Variants in KIF13A observed in about 807,000 individuals in gnomAD.
KIF13A encodes kinesin-like protein KIF13A.
Under a neutral mutation model 212.2 loss-of-function variants are expected in KIF13A, and 79 were observed. That is an observed-to-expected ratio of 0.37 (90% confidence interval 0.31 to 0.45). The LOEUF (loss-of-function observed/expected upper bound fraction) is 0.45, where lower values mean the gene tolerates loss of function less well. KIF13A is among the 20% of genes least tolerant of loss of function. The probability of loss-of-function intolerance (pLI) is 1.00; values close to 1 mark genes in which losing one functional copy is unlikely to be tolerated. For synonymous variants in KIF13A, 789 were observed against 808.6 expected (o/e 0.98, Z 0.41); for missense variants, 1,901 against 2,209.0 (o/e 0.86, Z 2.79).
At chr6:17,877,079 GAA>G (rs1187087719) in intron 3 of KIF13A, among the ~76,000 whole-genome samples, 1 of 123,192 alleles carries the variant, frequency 8.1e-6, no homozygotes, top group Non-Finnish European at 1.6e-5. Flanking sequence ...ATCTCGCAGG[GAA>G]ACAGGCATTT....
At chr6:17,932,573 C>A (rs1284634219) in intron 2 of KIF13A, among the ~76,000 whole-genome samples, 1 of 152,086 alleles carries the variant, frequency 6.6e-6, no homozygotes, top group African/African-American at 2.4e-5. Flanking sequence ...TTTTGTTTTC[C>A]AACATTCTGG....
chr6:17,928,046 C>A (rs1775644439), intron 2 of KIF13A, among the ~76,000 whole-genome samples: 1 of 152,192 alleles, frequency 6.6e-6, no homozygotes, highest in Non-Finnish European at 1.5e-5. Flanking sequence ...ATCACACAGG[C>A]TGCGAGAAAA....
rs1373234653 is a variant in KIF13A at position 17,781,269 on chromosome 6, C to T, written c.3577G>A (p.Gly1193Ser). Residue 1193 changes from glycine to serine, a missense_variant, in exon 30 of 39, where the codon GGC becomes AGC. Physicochemically the swap from Gly to Ser is moderately conservative, Grantham distance 56 (BLOSUM62 0). Transcript: ENST00000259711. The stretch of plus-strand genomic sequence containing the variant: ...GAGTTCACGCCGGATGCATGGGGGC[C>T]AACAAGCTGCTCATTGGCACTGAGG... ...DDLSANEQLV[G>S]PHASGVNSIL... 1 of 1,612,684 alleles carries T rather than the reference C, an allele frequency of 6.2e-7. No homozygotes were observed. The highest frequency in any genetic ancestry group is 1.7e-5 in the Admixed American group (1 of 59,722).
At chr6:17,818,130 G>A (rs1485237690) in intron 16 of KIF13A, among the ~76,000 whole-genome samples, 1 of 152,126 alleles carries the variant, frequency 6.6e-6, no homozygotes, top group Non-Finnish European at 1.5e-5. Flanking sequence ...CTCAATAGTA[G>A]AACAAGAAAA....
rs973959482 is a variant in KIF13A at position 17,899,033 on chromosome 6, C to G, written c.147-853G>C. Among the ~76,000 whole-genome samples, 1 of 151,976 alleles carries G rather than the reference C, an allele frequency of 6.6e-6. No homozygotes were observed. Among genetic ancestry groups the G allele is most frequent in the Non-Finnish European group, 1.5e-5 (1 of 67,992 alleles). ...TACTTTCTTAAGAGACACTATGTTG[C>G]CCCAGGCTGGTCTCAAACTCCTGAC... On this transcript the variant is annotated intron_variant, in intron 2 of 38. Transcript: ENST00000259711. The surrounding 1 kb of genome is among the most constrained non-coding windows in gnomAD (Gnocchi z 5.2).
downstream of KIF13A, among the ~76,000 whole-genome samples, chr6:17,763,163 A>AAC (rs1407627876): frequency 1.3e-5 from 2 of 152,228 alleles, no homozygotes; most frequent in African/African-American, 4.8e-5. Context: ...TAATAGTGGC[A>AAC]AAAACTCATT....
intron 2 of KIF13A, among the ~76,000 whole-genome samples, chr6:17,944,489 C>T (rs1314504335): frequency 1.3e-5 from 2 of 152,094 alleles, no homozygotes; most frequent in East Asian, 3.9e-4. Context: ...CTTATCAAGA[C>T]CTCCAGAAAA....
In KIF13A at chr6:17,799,941, T is replaced by C. The variant is rs1762344636; in HGVS notation, c.2616+11A>G. ...GTCATTTATATGAGCCTCCCATCACTGTCCTCTCACCCGACATGTCAGCTT... is the reference window on the plus strand; with the variant it reads ...GTCATTTATATGAGCCTCCCATCACCGTCCTCTCACCCGACATGTCAGCTT... On this transcript the variant is annotated intron_variant, in intron 21 of 38. Transcript: ENST00000259711. The surrounding 1 kb of genome is among the most constrained non-coding windows in gnomAD (Gnocchi z 4.4). 3 of 1,612,986 alleles carry C rather than the reference T, an allele frequency of 1.9e-6. No homozygotes were observed. Among genetic ancestry groups the C allele is most frequent in the Admixed American group, 1.7e-5 (1 of 59,874 alleles).
intron 2 of KIF13A, among the ~76,000 whole-genome samples, chr6:17,933,073 C>G (rs1163039940): frequency 2.0e-5 from 3 of 152,264 alleles, no homozygotes; most frequent in East Asian, 3.9e-4. Flanking sequence ...GAGAAAGGCT[C>G]TGTGACCTCG....
At chr6:17,824,775 A>C (rs1238885190) in intron 16 of KIF13A, among the ~76,000 whole-genome samples, 1 of 148,166 alleles carries the variant, frequency 6.7e-6, no homozygotes, top group Admixed American at 6.7e-5. Context: ...AAAAAAAAAA[A>C]AAAAACAAAA....
chr6:17,957,263 G>A (rs1010313840), intron 2 of KIF13A, among the ~76,000 whole-genome samples: 2 of 152,136 alleles, frequency 1.3e-5, no homozygotes, highest in Non-Finnish European at 1.5e-5. Context: ...AGTTTGGAGA[G>A]CTTCCAGATC....
At chr6:17,949,092 C>A (rs1777656039) in intron 2 of KIF13A, among the ~76,000 whole-genome samples, 1 of 152,160 alleles carries the variant, frequency 6.6e-6, no homozygotes, top group African/African-American at 2.4e-5. Context: ...GGGGAATGTA[C>A]ACCATCTCAA....
rs761684080 is a variant in KIF13A at position 17,898,085 on chromosome 6, T to C, written c.159+83A>G. 172 of 1,274,248 alleles carry C rather than the reference T, an allele frequency of 1.3e-4. No individual in the cohort carries two copies. Among genetic ancestry groups the C allele is most frequent in the Non-Finnish European group, 1.7e-4 (154 of 890,752 alleles). 78.9% of individuals were successfully genotyped at this position (1,274,248 alleles called of 1,614,324 possible). On this transcript the variant is annotated intron_variant, in intron 3 of 38. Coordinates refer to ENST00000259711, the MANE Select transcript of KIF13A (RefSeq NM_022113.6). The surrounding 1 kb of genome is among the most constrained non-coding windows in gnomAD (Gnocchi z 5.2). ...TGTTTTCAGTTCTCAATGAGACAGATGTTCTACATGGGTTACAGTGATAAA... is the reference window on the plus strand; with the variant it reads ...TGTTTTCAGTTCTCAATGAGACAGACGTTCTACATGGGTTACAGTGATAAA...
downstream of KIF13A, chr6:17,760,313 G>A (rs966644944): frequency 2.0e-5 from 3 of 152,286 alleles, no homozygotes; most frequent in African/African-American, 7.2e-5. Flanking sequence ...TCATGTATAA[G>A]AGATCGCCCA....
At chr6:17,814,899 T>C (rs969356830) in intron 17 of KIF13A, among the ~76,000 whole-genome samples, 4 of 152,128 alleles carry the variant, frequency 2.6e-5, no homozygotes, top group East Asian at 3.9e-4. Context: ...TGAGAGATCA[T>C]AGAAATAAAG....
chr6:17,780,091 T>C (rs1434806517), intron 31 of KIF13A, among the ~76,000 whole-genome samples: 1 of 152,244 alleles, frequency 6.6e-6, no homozygotes, highest in Non-Finnish European at 1.5e-5. Flanking sequence ...CAAGTTACTA[T>C]GTTTTTGAAA....
chr6:17,846,600 T>TC (rs1225204078), intron 9 of KIF13A, among the ~76,000 whole-genome samples: 2 of 50,700 alleles, frequency 3.9e-5, no homozygotes, highest in African/African-American at 1.7e-4. Flanking sequence ...AGACCCCATT[T>TC]CTTTAAAAAA....
rs527603500 is a variant in KIF13A, at chr6:17,845,185, G to A, written c.830+4192C>T. Among the ~76,000 whole-genome samples the A allele has an allele frequency of 1.2e-3, 175 of 152,134 alleles. 2 individuals are homozygous for A. Among genetic ancestry groups the A allele is most frequent in the South Asian group, 2.5e-3 (12 of 4,810 alleles). On this transcript the variant is annotated intron_variant, in intron 9 of 38. Transcript: ENST00000259711. ...ATCGGATCTCGTGAGACTTATTCAC[G>A]ACCATGAGAACAGCATGAGGGAAAC... is the stretch of plus-strand genomic sequence containing the variant.
At chr6:17,970,130 G>A (rs1779684210) in intron 2 of KIF13A, among the ~76,000 whole-genome samples, 1 of 151,562 alleles carries the variant, frequency 6.6e-6, no homozygotes, top group Admixed American at 6.6e-5. Context: ...CACCGTGTTA[G>A]CTGGGATGGT....
Sources: allele counts gnomAD v4.1 joint callset (sites outside exome capture counted in the v4.1 genomes callset), GRCh38; gene constraint gnomAD v4.1.1; non-coding constraint Gnocchi (gnomAD v3.1); transcripts MANE v1.5; gene names NCBI Gene and HGNC (gene_info 2026-07-23, HGNC 2026-07-21).